The following ARSB variants were observed in gnomAD, a reference collection of about 807,000 sequenced individuals.
ARSB encodes N-acetylgalactosamine-4-sulfatase.
ARSB carries 41 observed loss-of-function variants against 50.9 expected under a neutral mutation model. That is an observed-to-expected ratio of 0.81 (90% CI 0.63 to 1.04). ARSB has a LOEUF of 1.04. ARSB is among the 50% of genes least tolerant of loss of function. ARSB has a pLI of 0.00. For missense variants in ARSB, 672 were observed against 693.3 expected (o/e 0.97, Z 0.35); for synonymous variants, 269 against 284.8 (o/e 0.94, Z 0.56).
intron 6 of ARSB, among the ~76,000 whole-genome samples, chr5:78,829,648 A>G (rs971814063): frequency 2.0e-5 from 3 of 152,210 alleles, no homozygotes; most frequent in Admixed American, 1.3e-4. Context: ...ATGGGTTACT[A>G]AACAGGCCGT....
At chr5:78,805,679 CT>C (rs1434800801) in intron 6 of ARSB, among the ~76,000 whole-genome samples, 2 of 152,180 alleles carry the variant, frequency 1.3e-5, no homozygotes, top group African/African-American at 2.4e-5. Flanking sequence ...GTCAGCATGC[CT>C]TTGTCTTCTG....
intron 4 of ARSB, among the ~76,000 whole-genome samples, chr5:78,910,244 C>T (rs546287506): frequency 2.6e-5 from 4 of 152,312 alleles, no homozygotes; most frequent in South Asian, 2.1e-4. Flanking sequence ...TGCTAAGCAC[C>T]GGTCTCCTGG....
intron 5 of ARSB, among the ~76,000 whole-genome samples, chr5:78,847,157 T>G (rs1745482163): frequency 1.3e-5 from 2 of 152,216 alleles, no homozygotes; most frequent in South Asian, 4.1e-4. Context: ...AGATGGGGTC[T>G]CATTTTGTTG....
chr5:78,889,675 T>G (rs1375031442), intron 4 of ARSB, among the ~76,000 whole-genome samples: 1 of 152,228 alleles, frequency 6.6e-6, no homozygotes, highest in Non-Finnish European at 1.5e-5. Context: ...GGAAAAATAT[T>G]GGTTTGCCAA....
intron 4 of ARSB, among the ~76,000 whole-genome samples, chr5:78,907,488 C>G (rs1198227747): frequency 5.9e-5 from 9 of 152,134 alleles, no homozygotes; most frequent in Admixed American, 5.9e-4. Context: ...CAGTAACTGT[C>G]GGAACTCAGC....
At chr5:78,964,794 A>G (rs1225473624) in intron 2 of ARSB, among the ~76,000 whole-genome samples, 188 bp from the exon 3 acceptor site, 2 of 152,196 alleles carry the variant, frequency 1.3e-5, no homozygotes, top group Admixed American at 1.3e-4. Flanking sequence ...ATTACTGCAT[A>G]AAAACTCAAA....
rs149052359 is a variant in ARSB, at chr5:78,832,653, TGAGA to T, written c.1213+6699_1213+6702del. 1.1e-3 allele frequency among the ~76,000 whole-genome samples: 169 copies of T among 152,088 alleles called. 1 individual carries two copies. The highest frequency in any genetic ancestry group is 4.0e-3 in the African/African-American group (166 of 41,496). Reference sequence around the variant, plus strand: ...AATTGCACCACAGAAAATGTGTGTGTGAGAGAGGAGAGGGTGGGAAGAAGGCTGT... The same window carrying T: ...AATTGCACCACAGAAAATGTGTGTGTGAGGAGAGGGTGGGAAGAAGGCTGT... On this transcript the variant is annotated intron_variant, in intron 6 of 7. Coordinates refer to ENST00000264914, the MANE Select transcript of ARSB (RefSeq NM_000046.5).
intron 4 of ARSB, among the ~76,000 whole-genome samples, chr5:78,940,613 C>T (rs1378657833): frequency 1.3e-5 from 2 of 152,158 alleles, no homozygotes; most frequent in Non-Finnish European, 2.9e-5. Flanking sequence ...GGCATTATTT[C>T]TGAGGGCTCT....
intron 5 of ARSB, among the ~76,000 whole-genome samples, chr5:78,847,482 C>T (rs1045640490): frequency 1.3e-5 from 2 of 151,976 alleles, no homozygotes; most frequent in African/African-American, 4.8e-5. Flanking sequence ...TTTGTTGAGG[C>T]TTTGTGTGTC....
chr5:78,876,398 A>C (rs1221981015), intron 5 of ARSB, among the ~76,000 whole-genome samples: 1 of 152,250 alleles, frequency 6.6e-6, no homozygotes, highest in Non-Finnish European at 1.5e-5. Context: ...AGATTTACTT[A>C]ACCCTCTTGC....
chr5:78,985,466 G>C, upstream of ARSB: 1 of 322,596 alleles, frequency 3.1e-6, no homozygotes, highest in Non-Finnish European at 5.5e-6. Context: ...ACCCGCGGGC[G>C]CCCGCTGCCC....
chr5:78,901,065 A>AAG (rs2112271989), intron 4 of ARSB, among the ~76,000 whole-genome samples: 1 of 150,988 alleles, frequency 6.6e-6, no homozygotes, highest in East Asian at 2.0e-4. Context: ...AAAAAAAAAA[A>AAG]AGTCATCAAT....
chr5:78,948,511 T>C (rs1751353042), intron 4 of ARSB, among the ~76,000 whole-genome samples: 1 of 152,190 alleles, frequency 6.6e-6, no homozygotes, highest in Non-Finnish European at 1.5e-5. Context: ...CAATATTTGT[T>C]AACAGTGGTA....
chr5:78,817,495 A>G (rs1432624345), intron 6 of ARSB, among the ~76,000 whole-genome samples: 2 of 152,186 alleles, frequency 1.3e-5, no homozygotes, highest in Non-Finnish European at 2.9e-5. Flanking sequence ...ATCTGATTTG[A>G]ACAGAAATAA....
At chr5:78,886,906 A>G (rs1226970224) in intron 4 of ARSB, among the ~76,000 whole-genome samples, 1 of 152,228 alleles carries the variant, frequency 6.6e-6, no homozygotes, top group African/African-American at 2.4e-5. Context: ...CTGGGAGGAA[A>G]GAGAATGAAC....
At chr5:78,936,089 G>C (rs530472218) in intron 4 of ARSB, among the ~76,000 whole-genome samples, 1 of 73,918 alleles carries the variant, frequency 1.4e-5, no homozygotes, top group Admixed American at 2.1e-4. Flanking sequence ...CTTCCTCCCC[G>C]CCTCTCTCTC....
intron 5 of ARSB, among the ~76,000 whole-genome samples, chr5:78,869,374 C>T (rs974686641): frequency 1.4e-5 from 2 of 140,200 alleles, no homozygotes. Context: ...TTTTCAGCAC[C>T]ACACCACACC....
chr5:78,780,803 G>T, intron 7 of ARSB, 141 bp from the exon 8 acceptor site: 2 of 1,019,046 alleles, frequency 2.0e-6, no homozygotes, highest in Non-Finnish European at 2.9e-6. Context: ...GCTGTCTCTA[G>T]ATGCTTCTCA....
chr5:78,862,290 A>T (rs188978430), intron 5 of ARSB, among the ~76,000 whole-genome samples: 1 of 152,318 alleles, frequency 6.6e-6, no homozygotes, highest in African/African-American at 2.4e-5. Flanking sequence ...GGAAGCAAAA[A>T]AAGCCCGCGT....
Sources: allele counts gnomAD v4.1 joint callset (sites outside exome capture counted in the v4.1 genomes callset), GRCh38; gene constraint gnomAD v4.1.1; transcripts MANE v1.5; gene names NCBI Gene and HGNC (gene_info 2026-07-23, HGNC 2026-07-21).